The following DEF8 variants were observed in gnomAD, a reference collection of about 807,000 sequenced individuals.
The protein encoded by DEF8 is differentially expressed in FDCP 8 homolog.
DEF8 carries 38 observed loss-of-function variants against 59.1 expected under a neutral mutation model. The ratio of observed to expected loss-of-function variants is 0.64; its 90% CI spans 0.50 to 0.84. DEF8 has a LOEUF of 0.84. DEF8 is among the 40% of genes least tolerant of loss of function. The pLI is 0.00. For synonymous variants in DEF8, 265 were observed against 250.1 expected (o/e 1.06, Z -0.56); for missense variants, 557 against 615.2 (o/e 0.91, Z 1.00).
chr16:89,959,185 A>T (rs1597500414), intron 6 of DEF8, 30 bp downstream of exon 6: 1 of 1,613,658 alleles, frequency 6.2e-7, no homozygotes, highest in East Asian at 2.2e-5. Flanking sequence ...AGGAGTGAGG[A>T]ATGAGAGAGA....
At chr16:89,959,448 G>A in intron 6 of DEF8, 3 of 877,866 alleles carry the variant, frequency 3.4e-6, no homozygotes, top group Non-Finnish European at 3.2e-6. Context: ...CTTTAGGGCA[G>A]AATGTAAAGG....
Position 89,965,971 on chromosome 16 carries a change from G to A in DEF8, c.*8G>A, listed in dbSNP as rs768156217. The A allele has an allele frequency of 6.2e-7, 1 of 1,605,270 alleles. No homozygotes were observed. Among genetic ancestry groups the A allele is most frequent in the South Asian group, 1.1e-5 (1 of 90,518 alleles). ...CCCGATGTGGAGGCCTAGCGCCGAGGAACAGTGCTGGGCACCCCGCCTGGC... is the reference window on the plus strand; with the variant it reads ...CCCGATGTGGAGGCCTAGCGCCGAGAAACAGTGCTGGGCACCCCGCCTGGC... On this transcript the variant is annotated 3_prime_UTR_variant, in exon 13 of 13. Transcript: ENST00000563594.
chr16:89,950,481 C>T (rs576008064), intron 2 of DEF8, among the ~76,000 whole-genome samples: 6 of 152,044 alleles, frequency 3.9e-5, no homozygotes, highest in Non-Finnish European at 7.4e-5. Flanking sequence ...CTCCACCTCC[C>T]GTGTTCAAGT....
chr16:89,958,442 C>G (rs2033568000), intron 5 of DEF8: 1 of 158,996 alleles, frequency 6.3e-6, no homozygotes, highest in Admixed American at 5.9e-5. Flanking sequence ...GTCCTTGGGT[C>G]TGTGTGTGCT....
At position 89,966,283 on chromosome 16, in the gene DEF8, C is replaced by T. The variant is rs1015365321; in HGVS notation, c.*320C>T. 2 of 237,856 alleles carry T rather than the reference C, an allele frequency of 8.4e-6. No individual in the cohort carries two copies. Among genetic ancestry groups the T allele is most frequent in the African/African-American group, 4.5e-5 (2 of 44,082 alleles). 14.7% of individuals were successfully genotyped at this position (237,856 alleles called of 1,614,324 possible). A position where few individuals can be genotyped will look rare whatever the true frequency, so the allele number is the denominator to read the frequency against. On this transcript the variant is annotated 3_prime_UTR_variant, in exon 13 of 13. Transcript: ENST00000563594. ...CTCCCCCATGGCACAGAGCCCTCCA[C>T]ACCCCTGGACCAGGGCATCCGGGCC... is the stretch of plus-strand genomic sequence containing the variant.
Position 89,954,416 on chromosome 16 carries a change from C to G in DEF8, c.124+40C>G, listed in dbSNP as rs2032758065. 6.3e-7 allele frequency: 1 copy of G among 1,598,564 alleles called. No homozygotes were observed. Among genetic ancestry groups the G allele is most frequent in the East Asian group, 2.2e-5 (1 of 44,658 alleles). On this transcript the variant is annotated intron_variant, in intron 3 of 12. Coordinates refer to ENST00000563594, the MANE Select transcript of DEF8 (RefSeq NM_001242818.2). This position sits in a 1 kb window ranked among gnomAD's most constrained non-coding sequence, Gnocchi z 4.3. Reference sequence around the variant, plus strand: ...GAGTCAGGGTGGGAGCTGGGCAGGTCTCTGACTGCTTACGTGGACCCCTCC... The same window carrying G: ...GAGTCAGGGTGGGAGCTGGGCAGGTGTCTGACTGCTTACGTGGACCCCTCC...
chr16:89,964,443 C>CA (rs1402165503), intron 11 of DEF8, 23 bp from the exon 12 acceptor site: 1 of 1,570,104 alleles, frequency 6.4e-7, no homozygotes, highest in African/African-American at 1.4e-5. Flanking sequence ...GCCCGTGCCC[C>CA]AACCCCACAC....
intron 2 of DEF8, among the ~76,000 whole-genome samples, chr16:89,950,548 C>A (rs1026762259): frequency 6.6e-5 from 10 of 152,238 alleles, no homozygotes; most frequent in Admixed American, 6.5e-4. Context: ...CCACCATGCC[C>A]AGCTAATTTG....
chr16:89,964,832 G>A (rs937063439), intron 12 of DEF8, among the ~76,000 whole-genome samples: 1 of 152,202 alleles, frequency 6.6e-6, no homozygotes, highest in Admixed American at 6.5e-5. Context: ...GGTCCCTCCC[G>A]GACCAGCCCC....
intron 4 of DEF8, chr16:89,956,703 C>G (rs890649302): frequency 6.6e-6 from 1 of 152,076 alleles, no homozygotes; most frequent in Admixed American, 6.6e-5. Flanking sequence ...GACACGGGGT[C>G]TCGCTCTGTT....
At chr16:89,959,292 A>C (rs2033704073) in intron 6 of DEF8, 137 bp downstream of exon 6, 2 of 1,513,404 alleles carry the variant, frequency 1.3e-6, no homozygotes, top group African/African-American at 2.8e-5. Flanking sequence ...AAATTAACTA[A>C]ATATGCATTT....
chr16:89,950,021 A>C (rs934789720), intron 2 of DEF8: 68 of 1,032,250 alleles, frequency 6.6e-5, no homozygotes, highest in Non-Finnish European at 7.9e-5. Flanking sequence ...TGGGGCTGGC[A>C]CTGACTGTCA....
At chr16:89,950,175 G>A (rs1266050210) in intron 2 of DEF8, 2 of 986,490 alleles carry the variant, frequency 2.0e-6, no homozygotes, top group East Asian at 1.1e-4. Context: ...ACACCAGGAG[G>A]TTTCCAGCGG....
Position 89,965,817 on chromosome 16 carries a change from T to A in DEF8, c.1254-44T>A, listed in dbSNP as rs542140992. 52 of 1,364,176 alleles carry A rather than the reference T, an allele frequency of 3.8e-5. No homozygotes were observed. In the East Asian group the frequency reaches 7.7e-4, roughly 20 times the overall value. 84.5% of individuals were successfully genotyped at this position (1,364,176 alleles called of 1,614,324 possible). ...TAGGACGCTTGGGGGGATTCAGTGC[T>A]GGAGTTTCCTGTGCAGAGAGCCCCG... is the stretch of plus-strand genomic sequence containing the variant. On this transcript the variant is annotated intron_variant, in intron 12 of 12. Coordinates refer to ENST00000563594, the MANE Select transcript of DEF8 (RefSeq NM_001242818.2).
chr16:89,963,520 C>T, intron 10 of DEF8, 77 bp downstream of exon 10: 1 of 1,311,704 alleles, frequency 7.6e-7, no homozygotes, highest in Non-Finnish European at 1.1e-6. Context: ...CAGGTTTTTT[C>T]CGGACAGCTT....
At position 89,949,682 on chromosome 16, in the gene DEF8, C is replaced by T. The variant is rs1443153496; in HGVS notation, c.-11+169C>T. ...TCCTGAGCTTCGGCCCAGGGTCCCT[C>T]CGTGCCCCGGAACCCCGCCGGCTTT... On this transcript the variant is annotated intron_variant, in intron 2 of 12. Transcript: ENST00000563594. 3.2e-6 allele frequency: 5 copies of T among 1,553,730 alleles called. No homozygotes were observed. In the African/African-American group the frequency reaches 5.5e-5, roughly 17 times the overall value.
Position 89,966,012 on chromosome 16 carries a change from C to A in DEF8, c.*49C>A. The A allele has an allele frequency of 1.4e-6, 2 of 1,426,426 alleles. No individual in the cohort carries two copies. Among genetic ancestry groups the A allele is most frequent in the Non-Finnish European group, 9.8e-7 (1 of 1,021,130 alleles). 88.4% of individuals were successfully genotyped at this position (1,426,426 alleles called of 1,614,324 possible). Reference sequence around the variant, plus strand: ...CCCGCCTGGCCCGCCAGGACCCACCCTGCCAACATCAAGTTGTTCCTTCTG... The same window carrying A: ...CCCGCCTGGCCCGCCAGGACCCACCATGCCAACATCAAGTTGTTCCTTCTG... On this transcript the variant is annotated 3_prime_UTR_variant, in exon 13 of 13. Transcript: ENST00000563594.
At chr16:89,953,884 G>A (rs962121436) in intron 2 of DEF8, among the ~76,000 whole-genome samples, 7 of 152,322 alleles carry the variant, frequency 4.6e-5, no homozygotes, top group African/African-American at 1.7e-4. Context: ...TGGGGCTGAG[G>A]CCCAGAGAGG....
chr16:89,958,198 A>G (rs1272334085), intron 5 of DEF8, among the ~76,000 whole-genome samples: 1 of 151,994 alleles, frequency 6.6e-6, no homozygotes, highest in Admixed American at 6.6e-5. Flanking sequence ...TCATGTGCCC[A>G]CCCCTGACCC....
Sources: allele counts gnomAD v4.1 joint callset (sites outside exome capture counted in the v4.1 genomes callset), GRCh38; gene constraint gnomAD v4.1.1; non-coding constraint Gnocchi (gnomAD v3.1); transcripts MANE v1.5; gene names NCBI Gene and HGNC (gene_info 2026-07-23, HGNC 2026-07-21).